Variants in H2BC4 observed in about 807,000 individuals in gnomAD.
H2BC4 encodes H2B clustered histone 4.
H2BC4 carries 10 observed loss-of-function variants against 6.2 expected under a neutral mutation model. That is an observed-to-expected ratio of 1.61 (90% CI 0.99 to 2.73). H2BC4 has a LOEUF of 2.73. Among genes scored for constraint, H2BC4 ranks in the 30% most tolerant of loss-of-function variants. The pLI is 0.00. For missense variants in H2BC4, 176 were observed against 168.7 expected (o/e 1.04, Z -0.24); for synonymous variants, 146 against 70.7 (o/e 2.07, Z -5.35).
At chr6:26,117,085 A>G (rs545692220) in intron 1 of H2BC4, among the ~76,000 whole-genome samples, 59 of 152,322 alleles carry the variant, frequency 3.9e-4, no homozygotes, top group Non-Finnish European at 3.7e-4. Flanking sequence ...GAATATGCCT[A>G]GAGAGCTAAT....
downstream of H2BC4, among the ~76,000 whole-genome samples, chr6:26,114,598 T>C (rs1763396559): frequency 6.6e-6 from 1 of 152,062 alleles, no homozygotes; most frequent in South Asian, 2.1e-4. Context: ...AAGTCTATCC[T>C]TAGGAAATAA....
intron 1 of H2BC4, among the ~76,000 whole-genome samples, chr6:26,116,041 A>G (rs1261481916): frequency 1.3e-5 from 2 of 152,212 alleles, no homozygotes; most frequent in Admixed American, 6.5e-5. Context: ...GAGAAAAGTG[A>G]AAACAAAAGT....
chr6:26,114,279 T>C (rs761152567), downstream of H2BC4, among the ~76,000 whole-genome samples: 10 of 152,204 alleles, frequency 6.6e-5, no homozygotes, highest in Admixed American at 3.9e-4. Context: ...TAATGATTGA[T>C]GTCATGTTTA....
Position 26,123,521 on chromosome 6 carries a change from T to C in H2BC4, c.*3A>G, listed in dbSNP as rs749312462. 10 of 1,614,090 alleles carry C rather than the reference T, an allele frequency of 6.2e-6. No individual in the cohort carries two copies. The highest frequency in any genetic ancestry group is 8.5e-6 in the Non-Finnish European group (10 of 1,180,042). ...TAGGTGTTAAGACGCTTACTTGGAA[T>C]GTTTACTTGGAGCTGGTGTACTTGG... On this transcript the variant is annotated 3_prime_UTR_variant, in exon 1 of 1. Coordinates refer to ENST00000396984, the MANE Select transcript of H2BC4 (RefSeq NM_003526.3).
At chr6:26,122,840 A>G (rs1581412369), downstream of H2BC4, among the ~76,000 whole-genome samples, 3 of 152,354 alleles carry the variant, frequency 2.0e-5, no homozygotes, top group Admixed American at 2.0e-4. Context: ...GAATAGAATA[A>G]GATGTATGAA....
chr6:26,113,329 C>T (rs892977035), downstream of H2BC4, among the ~76,000 whole-genome samples: 2 of 152,196 alleles, frequency 1.3e-5, no homozygotes. Flanking sequence ...TAGTTTTCTA[C>T]ATACTTTGCA....
chr6:26,122,255 C>A (rs112243193), downstream of H2BC4, among the ~76,000 whole-genome samples: 2,396 of 152,154 alleles, frequency 0.016, 66 homozygotes, highest in African/African-American at 0.052. Context: ...GATTTAAGAT[C>A]ACACAGTCCT....
At chr6:26,116,320 G>A (rs188997271) in intron 1 of H2BC4, among the ~76,000 whole-genome samples, 12 of 152,224 alleles carry the variant, frequency 7.9e-5, no homozygotes, top group East Asian at 1.9e-4. Context: ...TACAAATTGC[G>A]CATTGGATGA....
chr6:26,118,252 T>A (rs1427729026), intron 1 of H2BC4, among the ~76,000 whole-genome samples: 3 of 152,150 alleles, frequency 2.0e-5, no homozygotes, highest in African/African-American at 4.8e-5. Context: ...TTATAAGAAT[T>A]CCTTAAAGTA....
intron 1 of H2BC4, among the ~76,000 whole-genome samples, chr6:26,116,271 C>T (rs1303701586): frequency 1.3e-5 from 2 of 152,200 alleles, no homozygotes; most frequent in African/African-American, 4.8e-5. Flanking sequence ...GCATGAGCAA[C>T]TGTAGAAACA....
At chr6:26,119,935 T>C (rs1319929924), downstream of H2BC4, among the ~76,000 whole-genome samples, 3 of 152,118 alleles carry the variant, frequency 2.0e-5, no homozygotes, top group Admixed American at 6.5e-5. Context: ...TTTAAGCTGT[T>C]AACTAAGACC....
chr6:26,118,468 C>T (rs143461766), downstream of H2BC4, among the ~76,000 whole-genome samples: 1,400 of 152,220 alleles, frequency 9.2e-3, 10 homozygotes, highest in Middle Eastern at 0.024. Flanking sequence ...TATAAAGGTC[C>T]TTGTTACAAA....
At chr6:26,121,985 G>C (rs1343831056), downstream of H2BC4, among the ~76,000 whole-genome samples, 1 of 151,406 alleles carries the variant, frequency 6.6e-6, no homozygotes, top group East Asian at 1.9e-4. Context: ...CCCGGGAGGC[G>C]GAGGTTGCTG....
rs139980610 is a variant in H2BC4, at chr6:26,123,584, C to T, written c.321G>A (p.Leu107=). 3,056 of 1,614,274 alleles carry T rather than the reference C, an allele frequency of 1.9e-3. 80 individuals are homozygous for T. In the South Asian group the frequency reaches 0.026, roughly 14 times the overall value. Residue 107 remains leucine, a synonymous_variant, in exon 1 of 1, where the codon CTG becomes CTA. Transcript: ENST00000396984. ...TGCCCTCCGACACGGCGTGCTTGGC[C>T]AGCTCTCCGGGAAGCAGCAGGCGCA... ...TAVRLLLPGE[L]AKHAVSEGTK...
Position 26,123,473 on chromosome 6 carries a change from G to A in H2BC4, c.*51C>T, listed in dbSNP as rs769727333. 1.6e-5 allele frequency: 25 copies of A among 1,609,318 alleles called. No individual in the cohort carries two copies. Among genetic ancestry groups the A allele is most frequent in the African/African-American group, 2.7e-5 (2 of 74,490 alleles). The stretch of plus-strand genomic sequence containing the variant: ...AGCTCTTTTAGTGGGTATCTGGGTG[G>A]CTCTTAAAAGAGCCTTTGGGGTTAG... On this transcript the variant is annotated 3_prime_UTR_variant, in exon 1 of 1. Coordinates refer to ENST00000396984, the MANE Select transcript of H2BC4 (RefSeq NM_003526.3).
rs199963141 is a variant in H2BC4, at chr6:26,123,923, T to C, written c.-19A>G. 1.4e-4 allele frequency: 218 copies of C among 1,610,048 alleles called. 1 individual carries two copies. The highest frequency in any genetic ancestry group is 4.5e-5 in the East Asian group (2 of 44,870). On this transcript the variant is annotated 5_prime_UTR_variant, in exon 1 of 1. Transcript: ENST00000396984. The stretch of plus-strand genomic sequence containing the variant: ...CAGGCATCTTAAAACACCAGAAATG[T>C]GTCGAAAGTAAAGAGCGGATTTCTG...
Position 26,123,692 on chromosome 6 carries a change from A to G in H2BC4, c.213T>C (p.Phe71=), listed in dbSNP as rs981853844. ...GGGAAGCCTCGCCCGCGATGCGCTC[A>G]AATATGTCGTTAACGAAAGAATTCA... ...GIMNSFVNDI[F]ERIAGEASRL... Residue 71 remains phenylalanine (F), a synonymous_variant, in exon 1 of 1, where the codon TTT becomes TTC. Transcript: ENST00000396984. 5.6e-6 allele frequency: 9 copies of G among 1,614,140 alleles called. No homozygotes were observed. The highest frequency in any genetic ancestry group is 7.6e-6 in the Non-Finnish European group (9 of 1,180,058).
rs192691588 is a variant in H2BC4 at position 26,117,836 on chromosome 6, T to C, written c.*10-2701A>G. ...GGAATAGGATGTTATGTTTGCACATTATTTTCAGTAGAAAAGAGTTTAGTA... is the reference window on the plus strand; with the variant it reads ...GGAATAGGATGTTATGTTTGCACATCATTTTCAGTAGAAAAGAGTTTAGTA... On this transcript the variant is annotated intron_variant, in intron 1 of 1. Transcript: ENST00000314332. 7.0e-3 allele frequency among the ~76,000 whole-genome samples: 1,063 copies of C among 152,346 alleles called. 9 individuals are homozygous for C. The highest frequency in any genetic ancestry group is 0.021 in the African/African-American group (856 of 41,584).
At chr6:26,120,252 A>G (rs1180743538), downstream of H2BC4, among the ~76,000 whole-genome samples, 1 of 152,094 alleles carries the variant, frequency 6.6e-6, no homozygotes, top group Non-Finnish European at 1.5e-5. Context: ...TGAGTTCGAG[A>G]CCAGTTTGGC....
Sources: gnomAD v4.1 joint callset for allele counts (sites outside exome capture counted in the v4.1 genomes callset) on GRCh38, gnomAD v4.1.1 for gene constraint, MANE v1.5 for transcripts, NCBI Gene and HGNC (gene_info 2026-07-23, HGNC 2026-07-21) for gene names.